TRIM33: variants seen among roughly 807,000 people sequenced by gnomAD.
TRIM33 encodes tripartite motif containing 33, also known as E3 ubiquitin-protein ligase TRIM33.
In TRIM33, 20 loss-of-function variants were observed where a neutral mutation model predicts 125.4. The ratio of observed to expected loss-of-function variants is 0.16; its 90% CI spans 0.11 to 0.23. TRIM33 has a LOEUF of 0.23. Among genes scored for constraint, TRIM33 ranks in the 10% least tolerant of loss-of-function variants. The pLI is 1.00. For synonymous variants in TRIM33, 564 were observed against 513.9 expected (o/e 1.10, Z -1.32); for missense variants, 920 against 1,411.4 (o/e 0.65, Z 5.58).
Position 114,471,464 on chromosome 1 carries a change from GC to G in TRIM33, c.527-7077del, listed in dbSNP as rs575779578. 1.0e-4 allele frequency among the ~76,000 whole-genome samples: 15 copies of G among 149,276 alleles called. No individual in the cohort carries two copies. The East Asian group carries it at 2.9e-3, about 29-fold the overall frequency. On this transcript the variant is annotated intron_variant, in intron 1 of 19. Transcript: ENST00000358465. Reference sequence around the variant, plus strand: ...GTCTCAAAAAAAAAAAAAAAGAAGTGCCCTGCTAAATTTAAATAAACACAAT... The same window carrying G: ...GTCTCAAAAAAAAAAAAAAAGAAGTGCCTGCTAAATTTAAATAAACACAAT...
chr1:114,426,051 A>G (rs1051593382), intron 8 of TRIM33, among the ~76,000 whole-genome samples: 1 of 152,204 alleles, frequency 6.6e-6, no homozygotes, highest in African/African-American at 2.4e-5. Flanking sequence ...TTCTCCCATG[A>G]CAAGACTTAC....
At chr1:114,503,046 T>C (rs1393735054) in intron 1 of TRIM33, among the ~76,000 whole-genome samples, 2 of 152,244 alleles carry the variant, frequency 1.3e-5, no homozygotes, top group Non-Finnish European at 2.9e-5. Flanking sequence ...AAGCAGATTT[T>C]AATACCCTTT....
chr1:114,471,274 C>CG (rs1650632609), intron 1 of TRIM33, among the ~76,000 whole-genome samples: 1 of 152,048 alleles, frequency 6.6e-6, no homozygotes, highest in Admixed American at 6.6e-5. Flanking sequence ...TGGTCAAACT[C>CG]TACTAAAAAT....
intron 15 of TRIM33, chr1:114,405,137 C>A: frequency 3.5e-6 from 1 of 284,188 alleles, no homozygotes; most frequent in Middle Eastern, 1.0e-3. Context: ...TAACCTTAGC[C>A]CCCTATTAAT....
intron 1 of TRIM33, among the ~76,000 whole-genome samples, chr1:114,508,552 T>A (rs1299141453): frequency 6.6e-6 from 1 of 152,140 alleles, no homozygotes; most frequent in Non-Finnish European, 1.5e-5. Flanking sequence ...CATGTACCAA[T>A]AATGCTAGAA....
chr1:114,408,750 A>G lies in TRIM33; in HGVS notation c.2195-10T>C. 1 of 1,579,894 alleles carries G rather than the reference A, an allele frequency of 6.3e-7. No individual in the cohort carries two copies. The highest frequency in any genetic ancestry group is 1.4e-5 in the African/African-American group (1 of 73,990). ...TGAGAATTGGATAAACCTAAAAAGT[A>G]GTAAGTCAAAATGAATATCAATGCA... On this transcript the variant is annotated splice_polypyrimidine_tract_variant and intron_variant, in intron 12 of 19. Coordinates refer to ENST00000358465, the MANE Select transcript of TRIM33 (RefSeq NM_015906.4).
At chr1:114,485,805 T>A (rs1486609048) in intron 1 of TRIM33, among the ~76,000 whole-genome samples, 2 of 152,096 alleles carry the variant, frequency 1.3e-5, no homozygotes, top group Non-Finnish European at 2.9e-5. Context: ...GAATCGCAAG[T>A]CTCAGAATGT....
chr1:114,429,962 T>G (rs1429754803), intron 6 of TRIM33, among the ~76,000 whole-genome samples: 1 of 152,158 alleles, frequency 6.6e-6, no homozygotes, highest in African/African-American at 2.4e-5. Flanking sequence ...TCTAGAAACT[T>G]ACACCTACAA....
chr1:114,400,270 C>T (rs1016925358), intron 17 of TRIM33, among the ~76,000 whole-genome samples: 5 of 152,140 alleles, frequency 3.3e-5, no homozygotes, highest in African/African-American at 9.7e-5. Context: ...GGTGCAGTGG[C>T]GCCAACTGTG....
At position 114,433,758 on chromosome 1, in the gene TRIM33, T is replaced by C. The variant is rs781742338; in HGVS notation, c.924-25A>G. 3.0e-6 allele frequency: 4 copies of C among 1,345,460 alleles called. No homozygotes were observed. In the South Asian group the frequency reaches 5.0e-5, roughly 17 times the overall value. The allele number at this position is 1,345,460 out of a possible 1,614,324, so 83.3% of individuals were successfully genotyped here. A position where few individuals can be genotyped will look rare whatever the true frequency, so the allele number is the denominator to read the frequency against. On this transcript the variant is annotated intron_variant, in intron 4 of 19. Coordinates refer to ENST00000358465, the MANE Select transcript of TRIM33 (RefSeq NM_015906.4). ...CCTTAAAACCAAAACAAAACTACAT[T>C]TAAAACAAAACATTTATGATTAAGA...
chr1:114,506,527 T>C (rs1197494445), intron 1 of TRIM33, among the ~76,000 whole-genome samples: 2 of 152,108 alleles, frequency 1.3e-5, no homozygotes, highest in Non-Finnish European at 2.9e-5. Context: ...TCAATATGAT[T>C]CCTATTTAAA....
At chr1:114,426,568 T>C (rs1055154877) in intron 8 of TRIM33, among the ~76,000 whole-genome samples, 3 of 151,968 alleles carry the variant, frequency 2.0e-5, no homozygotes, top group Non-Finnish European at 4.4e-5. Flanking sequence ...TCCCACTGTT[T>C]AGGACTTAAC....
At chr1:114,437,626 C>T (rs1034313351) in intron 4 of TRIM33, among the ~76,000 whole-genome samples, 4 of 151,994 alleles carry the variant, frequency 2.6e-5, no homozygotes, top group Admixed American at 6.6e-5. Flanking sequence ...CGTGAGCCAC[C>T]GCACCCAGTC....
At chr1:114,437,033 G>A (rs1648353429) in intron 4 of TRIM33, among the ~76,000 whole-genome samples, 1 of 152,124 alleles carries the variant, frequency 6.6e-6, no homozygotes, top group African/African-American at 2.4e-5. Context: ...AGGTTAACTA[G>A]TATCAAAATT....
intron 1 of TRIM33, among the ~76,000 whole-genome samples, chr1:114,476,765 A>T (rs924166753): frequency 2.6e-5 from 4 of 152,184 alleles, no homozygotes; most frequent in African/African-American, 9.6e-5. Context: ...TTCTAGTAAA[A>T]TATGATTCAT....
At position 114,397,595 on chromosome 1, in the gene TRIM33, TTTTTTTTTTTCG is replaced by T; in HGVS notation, c.*41_*52del. 3 of 1,128,930 alleles carry T rather than the reference TTTTTTTTTTTCG, an allele frequency of 2.7e-6. No individual in the cohort carries two copies. Among genetic ancestry groups the T allele is most frequent in the South Asian group, 1.4e-5 (1 of 71,926 alleles). 69.9% of individuals were successfully genotyped at this position (1,128,930 alleles called of 1,614,324 possible). On this transcript the variant is annotated 3_prime_UTR_variant, in exon 20 of 20. Coordinates refer to ENST00000358465, the MANE Select transcript of TRIM33 (RefSeq NM_015906.4). ...AGTTTTCTGGGTTTTTTGTGTTTTT[TTTTTTTTTTTCG>T]TTTTTTTTTTTTTAAACAATTGATT... is the stretch of plus-strand genomic sequence containing the variant.
intron 4 of TRIM33, among the ~76,000 whole-genome samples, chr1:114,434,500 T>G (rs1648158131): frequency 6.6e-6 from 1 of 152,256 alleles, no homozygotes; most frequent in Non-Finnish European, 1.5e-5. Context: ...TTTGTCAGCA[T>G]GAATGCTATA....
At chr1:114,399,657 A>G (rs1368345651) in intron 17 of TRIM33, 48 bp from the exon 18 acceptor site, 1 of 1,476,024 alleles carries the variant, frequency 6.8e-7, no homozygotes, top group East Asian at 2.3e-5. Flanking sequence ...AAAATGCCAA[A>G]CTGTTTAATT....
intron 8 of TRIM33, 33 bp from the exon 9 acceptor site, chr1:114,425,756 A>G: frequency 5.5e-6 from 8 of 1,448,276 alleles, no homozygotes; most frequent in Non-Finnish European, 6.6e-6. Context: ...ATTTGCATAT[A>G]ATCAACTAAA....
Sources: gnomAD v4.1 joint callset for allele counts (sites outside exome capture counted in the v4.1 genomes callset) on GRCh38, gnomAD v4.1.1 for gene constraint, MANE v1.5 for transcripts, NCBI Gene and HGNC (gene_info 2026-07-23, HGNC 2026-07-21) for gene names.